Variants in NRXN2 observed in about 807,000 individuals in gnomAD.
NRXN2 encodes neurexin 2.
NRXN2 carries 29 observed loss-of-function variants against 128.8 expected under a neutral mutation model. The ratio of observed to expected loss-of-function variants is 0.23; its 90% CI spans 0.17 to 0.31. The LOEUF (loss-of-function observed/expected upper bound fraction) is 0.31. Ranked by LOEUF, NRXN2 falls within the 10% of genes least tolerant of loss-of-function variation. NRXN2 has a pLI of 1.00. For synonymous variants in NRXN2, 1,098 were observed against 1,075.2 expected (o/e 1.02, Z -0.41); for missense variants, 1,881 against 2,452.6 (o/e 0.77, Z 4.92).
intron 1 of NRXN2, among the ~76,000 whole-genome samples, chr11:64,717,225 G>T (rs762904483): frequency 1.3e-5 from 2 of 152,174 alleles, no homozygotes; most frequent in Non-Finnish European, 2.9e-5. Flanking sequence ...TCCAAGTACT[G>T]CCCCCGCAAG....
rs77687855 is a variant in NRXN2, at chr11:64,696,385, C to T, written c.748+1390G>A. ...CACACCACATATGCATCGATGGAGG[C>T]GCACAGCACACCCATGCACTCAGAC... On this transcript the variant is annotated intron_variant, in intron 3 of 22. Coordinates refer to ENST00000265459, the MANE Select transcript of NRXN2 (RefSeq NM_015080.4). Among the ~76,000 whole-genome samples the T allele has an allele frequency of 1.1e-3, 165 of 152,212 alleles. 1 individual carries two copies. The highest frequency in any genetic ancestry group is 3.7e-3 in the African/African-American group (155 of 41,518).
At chr11:64,673,532 T>C (rs529937363) in intron 7 of NRXN2, among the ~76,000 whole-genome samples, 1 of 152,366 alleles carries the variant, frequency 6.6e-6, no homozygotes, top group African/African-American at 2.4e-5. Context: ...TACAGATTTA[T>C]GAAGGTCTAT....
Position 64,622,817 on chromosome 11 carries a change from G to A in NRXN2, c.4109C>T (p.Thr1370Ile). 6.2e-7 allele frequency: 1 copy of A among 1,612,820 alleles called. No individual in the cohort carries two copies. The highest frequency in any genetic ancestry group is 8.5e-7 in the Non-Finnish European group (1 of 1,179,954). The stretch of plus-strand genomic sequence containing the variant: ...GCGCGTGGTGGTAGTGGCCATGGTG[G>A]TGGTAGTCTCCATGATGGTGGTGGC... ...DMATTIMETT[T>I]TMATTTTRRG... is the part of the protein sequence containing the mutation. Residue 1370 changes from threonine to isoleucine, a missense_variant, in exon 21 of 23, where the codon ACC becomes ATC. Physicochemically the swap from Thr to Ile is moderately conservative, Grantham distance 89. This residue lies in a region of NRXN2 where 108 missense variants were observed against 165.2 expected (regional missense o/e 0.65). Transcript: ENST00000265459. The surrounding 1 kb of genome is among the most constrained non-coding windows in gnomAD (Gnocchi z 4.3).
At chr11:64,692,782 A>G (rs1322244413) in intron 4 of NRXN2, 65 bp downstream of exon 4, 1 of 1,591,066 alleles carries the variant, frequency 6.3e-7, no homozygotes, top group Non-Finnish European at 8.6e-7. Flanking sequence ...AGGGAGAAGA[A>G]CAGAAAATCC....
intron 17 of NRXN2, among the ~76,000 whole-genome samples, chr11:64,647,183 T>C (rs965786558): frequency 6.6e-6 from 1 of 151,858 alleles, no homozygotes; most frequent in Admixed American, 6.6e-5. Flanking sequence ...CCGTATTCCA[T>C]GTCTGTAAAA....
At chr11:64,719,515 A>G (rs928643625) in intron 1 of NRXN2, among the ~76,000 whole-genome samples, 2 of 152,152 alleles carry the variant, frequency 1.3e-5, no homozygotes, top group African/African-American at 4.8e-5. Context: ...TCTCTGTGTC[A>G]TGGAGAGAAG....
intron 15 of NRXN2, 59 bp downstream of exon 15, chr11:64,650,389 C>T (rs887313854): frequency 5.0e-5 from 79 of 1,576,850 alleles, no homozygotes; most frequent in Non-Finnish European, 6.5e-5. Context: ...GGGGTGATCT[C>T]GCTGGGGTGA....
chr11:64,638,296 G>A (rs1462923522), intron 17 of NRXN2, among the ~76,000 whole-genome samples: 2 of 152,246 alleles, frequency 1.3e-5, no homozygotes. Context: ...ACTGGGCGGA[G>A]AGACACTTCT....
chr11:64,630,493 G>A lies in NRXN2; in HGVS notation c.3666C>T (p.Asp1222=). 1.2e-6 allele frequency: 2 copies of A among 1,614,030 alleles called. No homozygotes were observed. The highest frequency in any genetic ancestry group is 2.2e-5 in the East Asian group (1 of 44,884). ...TIDEPNAIVS[D]GKYHVVRFTR... ...TGAAGCGCACCACGTGGTATTTGCC[G>A]TCGCTTACTATGGCGTTGGGCTCGT... is the stretch of plus-strand genomic sequence containing the variant. The change falls in exon 19 of 23, where the codon GAC becomes GAT. Residue 1222 remains aspartate, a synonymous_variant. Coordinates refer to ENST00000265459, the MANE Select transcript of NRXN2 (RefSeq NM_015080.4). The surrounding 1 kb of genome is among the most constrained non-coding windows in gnomAD (Gnocchi z 4.6).
At chr11:64,616,056 G>A (rs1050386145) in intron 22 of NRXN2, among the ~76,000 whole-genome samples, 3 of 152,164 alleles carry the variant, frequency 2.0e-5, no homozygotes, top group African/African-American at 7.2e-5. Context: ...CTTCTATAGG[G>A]GCGGGCTTGG....
At chr11:64,709,635 C>T (rs536404796) in intron 2 of NRXN2, among the ~76,000 whole-genome samples, 3 of 152,242 alleles carry the variant, frequency 2.0e-5, no homozygotes, top group African/African-American at 7.2e-5. Flanking sequence ...TATGTACATA[C>T]AGCTTTGCCT....
rs2042642094 is a variant in NRXN2 at position 64,623,312 on chromosome 11, G to A, written c.3848-234C>T. 1.6e-6 allele frequency: 1 copy of A among 644,772 alleles called. No individual in the cohort carries two copies. Among genetic ancestry groups the A allele is most frequent in the Non-Finnish European group, 2.6e-6 (1 of 383,530 alleles). The allele number at this position is 644,772 out of a possible 1,614,324, so 39.9% of individuals were successfully genotyped here. A position where few individuals can be genotyped will look rare whatever the true frequency, so the allele number is the denominator to read the frequency against. On this transcript the variant is annotated intron_variant, in intron 20 of 22. Coordinates refer to ENST00000265459, the MANE Select transcript of NRXN2 (RefSeq NM_015080.4). This position sits in a 1 kb window ranked among gnomAD's most constrained non-coding sequence, Gnocchi z 4.9. Reference sequence around the variant, plus strand: ...GACCCCAGAAGGGGAGGGCACCCAGGGTACACATGGGCTGGGGAAGGGGAG... The same window carrying A: ...GACCCCAGAAGGGGAGGGCACCCAGAGTACACATGGGCTGGGGAAGGGGAG...
In NRXN2 at chr11:64,635,600, AC is replaced by A; in HGVS notation, c.3404-149del. Reference sequence around the variant, plus strand: ...ACCCACAGCAGCCACCAGCCCTGCCACCCCAGGGAGAAGTTGGCAGGCGGGT... The same window carrying A: ...ACCCACAGCAGCCACCAGCCCTGCCACCCAGGGAGAAGTTGGCAGGCGGGT... On this transcript the variant is annotated intron_variant, in intron 17 of 22. Coordinates refer to ENST00000265459, the MANE Select transcript of NRXN2 (RefSeq NM_015080.4). This position sits in a 1 kb window ranked among gnomAD's most constrained non-coding sequence, Gnocchi z 4.8. 6 of 906,424 alleles carry A rather than the reference AC, an allele frequency of 6.6e-6. No homozygotes were observed. In the Admixed American group the frequency reaches 1.2e-4, roughly 18 times the overall value. 56.1% of individuals were successfully genotyped at this position (906,424 alleles called of 1,614,324 possible). A position where few individuals can be genotyped will look rare whatever the true frequency, so the allele number is the denominator to read the frequency against.
At chr11:64,646,824 C>G (rs1345444265) in intron 17 of NRXN2, among the ~76,000 whole-genome samples, 5 of 152,222 alleles carry the variant, frequency 3.3e-5, no homozygotes, top group African/African-American at 7.2e-5. Flanking sequence ...GCTGGAACAC[C>G]CTCAGCTGGC....
chr11:64,620,303 G>A lies in NRXN2; in HGVS notation c.4243C>T (p.Pro1415Ser). The change falls in exon 22 of 23, where the codon CCC becomes TCC. Residue 1415 changes from proline to serine, a missense_variant. Around this residue, in one of 7 missense-constraint regions of NRXN2, gnomAD observed 310 missense variants for 318.2 expected, o/e 0.97. Transcript: ENST00000265459. ...GGGGAAAGGCACTCACCAGTACTGG[G>A]CTCACACTCCTCCAGGTCCTCATCA... ...SDDEDLEECE[P>S]STGGELILPI... 2 of 1,552,508 alleles carry A rather than the reference G, an allele frequency of 1.3e-6. No homozygotes were observed. Among genetic ancestry groups the A allele is most frequent in the Non-Finnish European group, 1.7e-6 (2 of 1,147,482 alleles).
At chr11:64,662,212 C>G (rs2049130394) in intron 9 of NRXN2, among the ~76,000 whole-genome samples, 3 of 151,520 alleles carry the variant, frequency 2.0e-5, no homozygotes, top group Admixed American at 2.0e-4. Flanking sequence ...GAGCCAAGAT[C>G]ATGCCACTGC....
intron 11 of NRXN2, among the ~76,000 whole-genome samples, chr11:64,655,108 C>CTT (rs1452658726): frequency 6.6e-6 from 1 of 152,224 alleles, no homozygotes; most frequent in Non-Finnish European, 1.5e-5. Flanking sequence ...GGGTGGGCAG[C>CTT]TGCATCCCCT....
intron 9 of NRXN2, among the ~76,000 whole-genome samples, chr11:64,664,036 G>A (rs1289592693): frequency 6.6e-6 from 1 of 152,256 alleles, no homozygotes; most frequent in African/African-American, 2.4e-5. Context: ...CAAGGGCTAA[G>A]AGGAGAGGGA....
At chr11:64,722,304 T>TC (rs1194194768) in intron 1 of NRXN2, among the ~76,000 whole-genome samples, 1 of 134,280 alleles carries the variant, frequency 7.4e-6, no homozygotes, top group Non-Finnish European at 1.6e-5. Context: ...CCCCCAGCCT[T>TC]CCCCCGCAAG....
Sources: allele counts gnomAD v4.1 joint callset (sites outside exome capture counted in the v4.1 genomes callset), GRCh38; gene constraint gnomAD v4.1.1; regional missense constraint gnomAD v4.1.1; non-coding constraint Gnocchi (gnomAD v3.1); transcripts MANE v1.5; gene names NCBI Gene and HGNC (gene_info 2026-07-23, HGNC 2026-07-21).